The following FIGN variants were observed in gnomAD, a reference collection of about 807,000 sequenced individuals.
The protein encoded by FIGN is fidgetin, microtubule severing factor.
Under a neutral mutation model 51.3 loss-of-function variants are expected in FIGN, and 11 were observed. The ratio of observed to expected loss-of-function variants is 0.21; its 90% CI spans 0.13 to 0.35. The LOEUF is 0.35. FIGN is among the 10% of genes least tolerant of loss of function. FIGN has a pLI of 1.00. For missense variants in FIGN, 857 were observed against 943.6 expected, an observed-to-expected ratio of 0.91 and a Z score of 1.20; for synonymous variants, 407 against 363.2, an observed-to-expected ratio of 1.12 and a Z score of -1.37.
rs1325955645 is a variant in FIGN at position 163,684,337 on chromosome 2, C to T, written c.25+50566G>A. Among the ~76,000 whole-genome samples the T allele has an allele frequency of 3.3e-5, 5 of 152,332 alleles. No homozygotes were observed. The East Asian group carries it at 7.7e-4, about 23-fold the overall frequency. On this transcript the variant is annotated intron_variant, in intron 2 of 2. Coordinates refer to ENST00000333129, the MANE Select transcript of FIGN (RefSeq NM_018086.4). ...AGCTAGATGAAATTTTAAGTCACAG[C>T]AGTCCCTAATATTTGCATAGCCTTT...
intron 2 of FIGN, among the ~76,000 whole-genome samples, chr2:163,698,944 A>ATT: frequency 6.6e-6 from 1 of 152,282 alleles, no homozygotes; most frequent in Non-Finnish European, 1.5e-5. Context: ...TGGAAAAGAA[A>ATT]TTTGGTTGGT....
intron 2 of FIGN, among the ~76,000 whole-genome samples, chr2:163,676,430 C>A (rs1683965079): frequency 2.1e-5 from 2 of 96,608 alleles, no homozygotes; most frequent in African/African-American, 3.8e-5. Context: ...TCATGGATTC[C>A]TGGAATATAT....
At chr2:163,723,587 G>A (rs868611641) in intron 2 of FIGN, among the ~76,000 whole-genome samples, 2 of 152,288 alleles carry the variant, frequency 1.3e-5, no homozygotes, top group African/African-American at 2.4e-5. Context: ...TTCAACAAGC[G>A]AAGAAGAACA....
intron 2 of FIGN, among the ~76,000 whole-genome samples, chr2:163,637,527 T>C (rs568982658): frequency 2.7e-4 from 41 of 152,242 alleles, no homozygotes; most frequent in African/African-American, 9.9e-4. Context: ...ATAATGCATG[T>C]GAAGATAGAC....
At chr2:163,678,010 T>C (rs1255855450) in intron 2 of FIGN, among the ~76,000 whole-genome samples, 1 of 152,242 alleles carries the variant, frequency 6.6e-6, no homozygotes, top group Non-Finnish European at 1.5e-5. Context: ...AGAGTTGCTA[T>C]ATATCCTACA....
intron 2 of FIGN, among the ~76,000 whole-genome samples, chr2:163,674,832 A>G (rs1428100411): frequency 6.6e-6 from 1 of 152,130 alleles, no homozygotes; most frequent in East Asian, 1.9e-4. Flanking sequence ...AAAAAAAAAT[A>G]GTAAGAGTTC....
chr2:163,711,570 T>C (rs1352690730), intron 2 of FIGN, among the ~76,000 whole-genome samples: 2 of 151,536 alleles, frequency 1.3e-5, no homozygotes, highest in Non-Finnish European at 2.9e-5. Flanking sequence ...TTGTGCGCCA[T>C]GTAACCTGCA....
intron 2 of FIGN, among the ~76,000 whole-genome samples, chr2:163,662,346 T>C (rs1198804284): frequency 6.6e-6 from 1 of 152,170 alleles, no homozygotes; most frequent in African/African-American, 2.4e-5. Flanking sequence ...ATTCAGAAGG[T>C]GACTTGGCTG....
chr2:163,713,717 A>G (rs564089749), intron 2 of FIGN, among the ~76,000 whole-genome samples: 21 of 152,318 alleles, frequency 1.4e-4, no homozygotes, highest in African/African-American at 4.8e-4. Context: ...AATTTCCAGC[A>G]TCTGATGAGG....
At chr2:163,678,928 C>G (rs1238671089) in intron 2 of FIGN, among the ~76,000 whole-genome samples, 1 of 152,172 alleles carries the variant, frequency 6.6e-6, no homozygotes, top group Non-Finnish European at 1.5e-5. Context: ...CCTACTACCC[C>G]ACTCACACAC....
intron 2 of FIGN, among the ~76,000 whole-genome samples, chr2:163,671,689 G>GT (rs1190432473): frequency 1.3e-5 from 2 of 152,068 alleles, no homozygotes; most frequent in African/African-American, 4.8e-5. Context: ...GCAGTTTTTT[G>GT]TAACTAGAGA....
chr2:163,723,086 G>A (rs557379149), intron 2 of FIGN, among the ~76,000 whole-genome samples: 2 of 152,072 alleles, frequency 1.3e-5, no homozygotes, highest in Non-Finnish European at 2.9e-5. Flanking sequence ...AGCTGCTGGG[G>A]AGGCTGAGGC....
chr2:163,723,213 TAATAA>T lies in FIGN; in HGVS notation c.25+11685_25+11689del, dbSNP rs532394093. On this transcript the variant is annotated intron_variant, in intron 2 of 2. Coordinates refer to ENST00000333129, the MANE Select transcript of FIGN (RefSeq NM_018086.4). ...CTCAAAAATAATAATAATAATAAAA[TAATAA>T]AATAAAATAAAATATTAACCAAGTG... is the stretch of plus-strand genomic sequence containing the variant. Among the ~76,000 whole-genome samples the T allele has an allele frequency of 1.3e-3, 191 of 151,718 alleles. 1 individual carries two copies. Among genetic ancestry groups the T allele is most frequent in the African/African-American group, 4.2e-3 (176 of 41,440 alleles).
chr2:163,646,815 A>T (rs1465108958), intron 2 of FIGN, among the ~76,000 whole-genome samples: 1 of 152,220 alleles, frequency 6.6e-6, no homozygotes, highest in Non-Finnish European at 1.5e-5. Flanking sequence ...TCCATTTGAG[A>T]GCACTCAGAT....
chr2:163,723,870 T>G (rs183679448), intron 2 of FIGN, among the ~76,000 whole-genome samples: 10 of 152,268 alleles, frequency 6.6e-5, no homozygotes, highest in Non-Finnish European at 8.8e-5. Context: ...ATTTAATGAA[T>G]GCTTATCATC....
chr2:163,688,208 G>A (rs1684184563), intron 2 of FIGN, among the ~76,000 whole-genome samples: 1 of 152,152 alleles, frequency 6.6e-6, no homozygotes, highest in Non-Finnish European at 1.5e-5. Flanking sequence ...CTGTGTAAAA[G>A]AGCCAGGAGA....
Position 163,603,394 on chromosome 2 carries a change from G to C in FIGN, c.*6158C>G, listed in dbSNP as rs1352985070. 6.6e-6 allele frequency: 1 copy of C among 152,016 alleles called. No individual in the cohort carries two copies. Among genetic ancestry groups the C allele is most frequent in the Non-Finnish European group, 1.5e-5 (1 of 67,982 alleles). The allele number at this position is 152,016 out of a possible 1,614,324, so 9.4% of individuals were successfully genotyped here. ...AAGCAAATAAAATCAATATGGTCAG[G>C]GAAGCAAAGTGCACAGAAATTTTAA... is the stretch of plus-strand genomic sequence containing the variant. On this transcript the variant is annotated 3_prime_UTR_variant, in exon 3 of 3. Transcript: ENST00000333129.
At chr2:163,663,605 G>A (rs1434378306) in intron 2 of FIGN, among the ~76,000 whole-genome samples, 12 of 151,776 alleles carry the variant, frequency 7.9e-5, no homozygotes, top group East Asian at 2.0e-4. Flanking sequence ...ATAGTCTGCC[G>A]GGCACGGTGG....
At chr2:163,694,792 C>T (rs922334194) in intron 2 of FIGN, among the ~76,000 whole-genome samples, 5 of 152,184 alleles carry the variant, frequency 3.3e-5, no homozygotes, top group Admixed American at 2.0e-4. Flanking sequence ...TTCTCTACCT[C>T]CATCATCTTA....
Sources: allele counts gnomAD v4.1 joint callset (sites outside exome capture counted in the v4.1 genomes callset), GRCh38; gene constraint gnomAD v4.1.1; transcripts MANE v1.5; gene names NCBI Gene and HGNC (gene_info 2026-07-23, HGNC 2026-07-21).